The following TENT4A variants were observed in gnomAD, a reference collection of about 807,000 sequenced individuals.
TENT4A encodes terminal nucleotidyltransferase 4A.
In TENT4A, 7 loss-of-function variants were observed where a neutral mutation model predicts 72.8. The ratio of observed to expected loss-of-function variants is 0.10; its 90% CI spans 0.05 to 0.18. The LOEUF is 0.18. Ranked by LOEUF, TENT4A falls within the 10% of genes least tolerant of loss-of-function variation. The probability of loss-of-function intolerance (pLI) is 1.00; values close to 1 mark genes in which losing one functional copy is unlikely to be tolerated. For missense variants in TENT4A, 831 were observed against 1,017.7 expected, an observed-to-expected ratio of 0.82 and a Z score of 2.50; for synonymous variants, 456 against 434.3, an observed-to-expected ratio of 1.05 and a Z score of -0.62.
chr5:6,742,898 G>A (rs988369401), intron 5 of TENT4A, among the ~76,000 whole-genome samples: 3 of 152,076 alleles, frequency 2.0e-5, no homozygotes, highest in East Asian at 1.9e-4. Flanking sequence ...TGCCTCATTC[G>A]CAGGTTTTAC....
At position 6,749,657 on chromosome 5, in the gene TENT4A, G is replaced by A. The variant is rs960797983; in HGVS notation, c.1687G>A (p.Asp563Asn). The stretch of plus-strand genomic sequence containing the variant: ...CAAAGCCCACCCGTCGCCAGGCATG[G>A]GTGAGAGATTAATTCATTTGTGTTC... ...GSKAHPSPGMDSRIKIKERIA... is the reference protein window; with the variant it reads ...GSKAHPSPGMNSRIKIKERIA... The change falls in exon 9 of 13, where the codon GAC (aspartate) becomes AAC (asparagine). Residue 563 changes from aspartate (D) to asparagine (N), a missense_variant and splice_region_variant. Asp to Asn is a conservative substitution (Grantham distance 23, BLOSUM62 1). This residue lies in a region of TENT4A where 332 missense variants were observed against 324.3 expected (regional missense o/e 1.02). Transcript: ENST00000230859. 1 of 1,599,628 alleles carries A rather than the reference G, an allele frequency of 6.3e-7. No individual in the cohort carries two copies. Among genetic ancestry groups the A allele is most frequent in the African/African-American group, 1.3e-5 (1 of 74,774 alleles).
intron 6 of TENT4A, 151 bp downstream of exon 6, chr5:6,743,991 A>G: frequency 1.4e-6 from 1 of 717,244 alleles, no homozygotes; most frequent in African/African-American, 1.8e-5. Flanking sequence ...CTTACAATCA[A>G]ACCCTCTTGA....
rs1030520178 is a variant in TENT4A, at chr5:6,750,692, C to G, written c.1860+189C>G. On this transcript the variant is annotated intron_variant, in intron 10 of 12. Coordinates refer to ENST00000230859, the MANE Select transcript of TENT4A (RefSeq NM_006999.6). ...CTTCCTTTCCCCTGCCGTGAACCTT[C>G]AGAACCTGTCTGTGCGACTCATGCG... 6.9e-6 allele frequency: 4 copies of G among 576,628 alleles called. No individual in the cohort carries two copies. The African/African-American group carries it at 7.6e-5, about 11-fold the overall frequency. The allele number at this position is 576,628 out of a possible 1,614,324, so 35.7% of individuals were successfully genotyped here.
intron 1 of TENT4A, 64 bp downstream of exon 1, chr5:6,714,763 T>TCCTGGCCGGCGCCCGCGGG (rs199781238): frequency 1.1e-6 from 1 of 937,254 alleles, no homozygotes; most frequent in Non-Finnish European, 1.4e-6. Context: ...GCGCCCGCGG[T>TCCTGGCCGGCGCCCGCGGG]GCAGACACCC....
Position 6,714,706 on chromosome 5 carries a change from G to GCGCGGGGAGGC in TENT4A, c.716+15_716+25dup, listed in dbSNP as rs1740270863. The GCGCGGGGAGGC allele has an allele frequency of 1.7e-6, 2 of 1,185,460 alleles. No individual in the cohort carries two copies. Among genetic ancestry groups the GCGCGGGGAGGC allele is most frequent in the South Asian group, 4.2e-5 (1 of 23,784 alleles). 73.4% of individuals were successfully genotyped at this position (1,185,460 alleles called of 1,614,324 possible). On this transcript the variant is annotated splice_region_variant and intron_variant, in intron 1 of 12. Transcript: ENST00000230859. ...ACAGCCCGGGCATCCAGGGGTGAGT[G>GCGCGGGGAGGC]CGCGGGGAGGCCGCGGGGGCGGGGG...
intron 1 of TENT4A, chr5:6,715,068 A>G (rs989797484): frequency 6.3e-6 from 1 of 159,582 alleles, no homozygotes; most frequent in East Asian, 1.8e-4. Flanking sequence ...GTTTCACGTA[A>G]GTTAAGTTGC....
chr5:6,748,697 G>A (rs2279653), intron 8 of TENT4A, 107 bp downstream of exon 8: 283,485 of 1,174,144 alleles, frequency 0.24, 35,625 homozygotes, highest in Non-Finnish European at 0.26. Context: ...ATGTTCTGCC[G>A]TATTTCAGTA....
intron 5 of TENT4A, among the ~76,000 whole-genome samples, chr5:6,743,099 G>A (rs907681278): frequency 2.6e-5 from 4 of 152,122 alleles, no homozygotes; most frequent in Non-Finnish European, 5.9e-5. Flanking sequence ...AGGGGCAGAC[G>A]CACCTCCGGG....
At chr5:6,741,334 GAAC>G (rs1242349410) in intron 4 of TENT4A, among the ~76,000 whole-genome samples, 1 of 152,116 alleles carries the variant, frequency 6.6e-6, no homozygotes, top group Non-Finnish European at 1.5e-5. Context: ...TGTCTATTTG[GAAC>G]AACAACCCAA....
intron 11 of TENT4A, among the ~76,000 whole-genome samples, chr5:6,752,572 C>T (rs971523262): frequency 5.9e-5 from 9 of 152,180 alleles, no homozygotes; most frequent in African/African-American, 2.2e-4. Context: ...GGGTTCACCA[C>T]GGGGGTGACG....
At chr5:6,754,450 C>T (rs1472584988) in intron 12 of TENT4A, among the ~76,000 whole-genome samples, 1 of 152,140 alleles carries the variant, frequency 6.6e-6, no homozygotes, top group African/African-American at 2.4e-5. Flanking sequence ...ATTACAGGTG[C>T]AAGCCATTGG....
At chr5:6,737,036 C>A (rs1171108990) in intron 1 of TENT4A, among the ~76,000 whole-genome samples, 1 of 152,238 alleles carries the variant, frequency 6.6e-6, no homozygotes, top group Non-Finnish European at 1.5e-5. Flanking sequence ...TTCCTGTTCA[C>A]ATGTTCCTTC....
intron 4 of TENT4A, 70 bp downstream of exon 4, chr5:6,739,922 G>T: frequency 2.0e-6 from 3 of 1,474,938 alleles, no homozygotes; most frequent in Non-Finnish European, 2.8e-6. Context: ...CACAGGATAC[G>T]CCTGCGTCAC....
At chr5:6,736,941 C>A (rs529429575) in intron 1 of TENT4A, among the ~76,000 whole-genome samples, 118 of 152,362 alleles carry the variant, frequency 7.7e-4, no homozygotes, top group African/African-American at 2.6e-3. Context: ...GAGACTGTGG[C>A]GGATGAAACC....
intron 1 of TENT4A, among the ~76,000 whole-genome samples, chr5:6,735,752 T>TC: frequency 6.6e-6 from 1 of 151,248 alleles, no homozygotes; most frequent in East Asian, 1.9e-4. Flanking sequence ...GGTGAGGTTT[T>TC]TTCTTACTTT....
At chr5:6,742,455 A>C in intron 4 of TENT4A, 35 bp from the exon 5 acceptor site, 1 of 1,346,278 alleles carries the variant, frequency 7.4e-7, no homozygotes, top group South Asian at 1.2e-5. Context: ...AGAGTCCTGC[A>C]TGTTAAAGCA....
intron 1 of TENT4A, among the ~76,000 whole-genome samples, chr5:6,730,355 C>T (rs1200721048): frequency 6.6e-6 from 1 of 151,966 alleles, no homozygotes. Flanking sequence ...ATCTGAGTTC[C>T]GCATTGATTC....
chr5:6,737,579 A>G lies in TENT4A; in HGVS notation c.786A>G (p.Arg262=). The G allele has an allele frequency of 6.2e-7, 1 of 1,614,158 alleles. No individual in the cohort carries two copies. The highest frequency in any genetic ancestry group is 8.5e-7 in the Non-Finnish European group (1 of 1,179,986). Residue 262 remains arginine (R), a synonymous_variant, in exon 2 of 13, where the codon AGA becomes AGG. Coordinates refer to ENST00000230859, the MANE Select transcript of TENT4A (RefSeq NM_006999.6). ...GTCCTGAAGAAGCAGCTATGAGAAG[A>G]GAGGTGGTGAAACGGATCGAAACTG... is the stretch of plus-strand genomic sequence containing the variant. ...SPCPEEAAMR[R]EVVKRIETVV... is the part of the protein sequence containing the mutation.
At chr5:6,731,984 C>T (rs1424393208) in intron 1 of TENT4A, among the ~76,000 whole-genome samples, 1 of 152,256 alleles carries the variant, frequency 6.6e-6, no homozygotes, top group Admixed American at 6.5e-5. Flanking sequence ...GGCTTCTGGG[C>T]TATGACCTTT....
Sources: gnomAD v4.1 joint callset for allele counts (sites outside exome capture counted in the v4.1 genomes callset) on GRCh38, gnomAD v4.1.1 for gene constraint, gnomAD v4.1.1 regional missense constraint, MANE v1.5 for transcripts, NCBI Gene and HGNC (gene_info 2026-07-23, HGNC 2026-07-21) for gene names.